The following KIAA0825 variants were observed in gnomAD, a reference collection of about 807,000 sequenced individuals.
The protein encoded by KIAA0825 is uncharacterized protein KIAA0825.
In KIAA0825, 119 loss-of-function variants were observed where a neutral mutation model predicts 147.6. The ratio of observed to expected loss-of-function variants is 0.81; its 90% CI spans 0.69 to 0.94. The LOEUF (loss-of-function observed/expected upper bound fraction) is 0.94. Among genes scored for constraint, KIAA0825 ranks in the 40% least tolerant of loss-of-function variants. The pLI is 0.00. For missense variants in KIAA0825, 1,381 were observed against 1,472.7 expected, an observed-to-expected ratio of 0.94 and a Z score of 1.02; for synonymous variants, 470 against 518.1, an observed-to-expected ratio of 0.91 and a Z score of 1.26.
At chr5:94,183,341 C>G (rs1391624178) in intron 20 of KIAA0825, among the ~76,000 whole-genome samples, 1 of 152,134 alleles carries the variant, frequency 6.6e-6, no homozygotes, top group Non-Finnish European at 1.5e-5. Flanking sequence ...TCCTAAAACC[C>G]TTGTAATTTC....
chr5:94,219,655 A>AT (rs1273326976), intron 20 of KIAA0825, among the ~76,000 whole-genome samples: 3 of 152,150 alleles, frequency 2.0e-5, no homozygotes, highest in African/African-American at 7.2e-5. Context: ...TAGGCTACAA[A>AT]CCTGCACAGC....
intron 14 of KIAA0825, among the ~76,000 whole-genome samples, chr5:94,419,216 G>T (rs1363191461): frequency 6.6e-6 from 1 of 152,078 alleles, no homozygotes; most frequent in African/African-American, 2.4e-5. Context: ...TTGGATTTCT[G>T]TTACTTGCAG....
intron 15 of KIAA0825, among the ~76,000 whole-genome samples, chr5:94,407,188 C>A (rs1752176609): frequency 6.6e-6 from 1 of 152,130 alleles, no homozygotes; most frequent in African/African-American, 2.4e-5. Flanking sequence ...TGTGCACATA[C>A]CAAGAAAGCC....
intron 2 of KIAA0825, among the ~76,000 whole-genome samples, chr5:94,565,003 TCTCTC>T (rs1778379247): frequency 7.7e-6 from 1 of 129,198 alleles, no homozygotes; most frequent in Non-Finnish European, 1.7e-5. Flanking sequence ...CCTCTCTCTC[TCTCTC>T]CCTCTCTCTC....
intron 20 of KIAA0825, among the ~76,000 whole-genome samples, chr5:94,373,674 C>T (rs1335172776): frequency 3.3e-5 from 5 of 152,156 alleles, no homozygotes; most frequent in African/African-American, 1.2e-4. Context: ...CTACCTCCCA[C>T]TGGGTCCCTC....
chr5:94,431,595 T>A (rs1452787689), intron 14 of KIAA0825, among the ~76,000 whole-genome samples: 1 of 152,142 alleles, frequency 6.6e-6, no homozygotes, highest in Non-Finnish European at 1.5e-5. Flanking sequence ...TCCTAGGAAG[T>A]AACATTTATG....
chr5:94,379,999 G>A (rs1322767786), intron 20 of KIAA0825, among the ~76,000 whole-genome samples: 1 of 151,692 alleles, frequency 6.6e-6, no homozygotes, highest in African/African-American at 2.4e-5. Context: ...GACTACAGGT[G>A]CCTACCACCA....
At position 94,318,219 on chromosome 5, in the gene KIAA0825, A is replaced by C. The variant is rs138387873; in HGVS notation, c.3710+66149T>G. Among the ~76,000 whole-genome samples, 209 of 151,934 alleles carry C rather than the reference A, an allele frequency of 1.4e-3. 3 individuals are homozygous for C. The Middle Eastern group carries it at 0.042, about 30-fold the overall frequency. On this transcript the variant is annotated intron_variant, in intron 20 of 20. Coordinates refer to ENST00000682413, the MANE Select transcript of KIAA0825 (RefSeq NM_001145678.3). Reference sequence around the variant, plus strand: ...AGTTTGCACATTTCCGAAAATTTAAATATAGACTCATTAGTAGTTAGTCTA... The same window carrying C: ...AGTTTGCACATTTCCGAAAATTTAACTATAGACTCATTAGTAGTTAGTCTA...
At chr5:94,523,896 T>A (rs773841726) in intron 4 of KIAA0825, 34 bp downstream of exon 4, 1 of 1,415,958 alleles carries the variant, frequency 7.1e-7, no homozygotes, top group Non-Finnish European at 9.8e-7. Context: ...TGTTTACTCA[T>A]CCCACTCCAT....
chr5:94,199,660 T>C (rs1221365769), intron 20 of KIAA0825, among the ~76,000 whole-genome samples: 3 of 152,086 alleles, frequency 2.0e-5, no homozygotes, highest in Non-Finnish European at 4.4e-5. Context: ...CAGTGGTGAG[T>C]TCCCCCATGC....
intron 20 of KIAA0825, among the ~76,000 whole-genome samples, chr5:94,349,094 G>A (rs1160263909): frequency 6.6e-6 from 1 of 152,028 alleles, no homozygotes; most frequent in Admixed American, 6.6e-5. Context: ...TTAAATGGGT[G>A]GAAAAAGGCA....
chr5:94,217,868 CAA>C (rs2150057346), intron 20 of KIAA0825, among the ~76,000 whole-genome samples: 1 of 151,990 alleles, frequency 6.6e-6, no homozygotes, highest in African/African-American at 2.4e-5. Flanking sequence ...TTTAACAAAA[CAA>C]GAAGGTGGGA....
At position 94,487,186 on chromosome 5, in the gene KIAA0825, A is replaced by C. The variant is rs1763157207; in HGVS notation, c.971-2256T>G. 2.0e-5 allele frequency among the ~76,000 whole-genome samples: 3 copies of C among 152,206 alleles called. No individual in the cohort carries two copies. The South Asian group carries it at 6.2e-4, about 32-fold the overall frequency. On this transcript the variant is annotated intron_variant, in intron 5 of 20. Transcript: ENST00000682413. ...ATTCCAGGAATACAACAATCGTGAA[A>C]GGTAAATCTTCTTTTAATTCAGTGA...
intron 20 of KIAA0825, among the ~76,000 whole-genome samples, chr5:94,244,415 C>T (rs997623864): frequency 1.3e-5 from 2 of 152,140 alleles, no homozygotes; most frequent in Non-Finnish European, 2.9e-5. Flanking sequence ...TCACTGTAGC[C>T]TTGAACTCCT....
intron 20 of KIAA0825, among the ~76,000 whole-genome samples, chr5:94,357,856 G>A (rs950545352): frequency 6.6e-5 from 10 of 151,170 alleles, no homozygotes; most frequent in Non-Finnish European, 1.0e-4. Context: ...GACAAAAGAC[G>A]TATTCAAGTA....
At chr5:94,576,888 T>C (rs868323683) in intron 2 of KIAA0825, among the ~76,000 whole-genome samples, 5 of 152,176 alleles carry the variant, frequency 3.3e-5, no homozygotes, top group African/African-American at 4.8e-5. Flanking sequence ...AGATTTTAGT[T>C]ATAATTAAAA....
chr5:94,224,804 C>G (rs1774011355), intron 20 of KIAA0825, among the ~76,000 whole-genome samples: 1 of 152,158 alleles, frequency 6.6e-6, no homozygotes, highest in Non-Finnish European at 1.5e-5. Context: ...TTGGGTTCTG[C>G]TGATGGCTGA....
intron 16 of KIAA0825, among the ~76,000 whole-genome samples, chr5:94,397,361 C>T (rs1373312566): frequency 1.3e-5 from 2 of 152,158 alleles, no homozygotes; most frequent in Non-Finnish European, 2.9e-5. Flanking sequence ...AGCCTTTTGG[C>T]TGATGATTCC....
chr5:94,581,250 T>C lies in KIAA0825; in HGVS notation c.-2+1183A>G, dbSNP rs185146140. On this transcript the variant is annotated intron_variant, in intron 2 of 20. Transcript: ENST00000682413. ...TGAACAGAATTATACCAACGTCATG[T>C]CTTGTTATTTGGGTTTACATTTTTC... 2.0e-3 allele frequency among the ~76,000 whole-genome samples: 301 copies of C among 152,336 alleles called. 2 individuals are homozygous for C. The highest frequency in any genetic ancestry group is 6.8e-3 in the Middle Eastern group (2 of 294).
Sources: allele counts gnomAD v4.1 joint callset (sites outside exome capture counted in the v4.1 genomes callset), GRCh38; gene constraint gnomAD v4.1.1; transcripts MANE v1.5; gene names NCBI Gene and HGNC (gene_info 2026-07-23, HGNC 2026-07-21).